Variants in ZNRF3 observed in about 807,000 individuals in gnomAD.
ZNRF3 encodes E3 ubiquitin-protein ligase ZNRF3.
ZNRF3 carries 23 observed loss-of-function variants against 72.5 expected under a neutral mutation model. The ratio of observed to expected loss-of-function variants is 0.32; its 90% CI spans 0.23 to 0.45. The LOEUF is 0.45. ZNRF3 is among the 20% of genes least tolerant of loss of function. The probability of loss-of-function intolerance (pLI) is 1.00; values close to 1 mark genes in which losing one functional copy is unlikely to be tolerated. For synonymous variants in ZNRF3, 610 were observed against 545.3 expected (o/e 1.12, Z -1.65); for missense variants, 1,169 against 1,272.1 (o/e 0.92, Z 1.23).
At chr22:28,956,705 C>T (rs1246488644) in intron 1 of ZNRF3, among the ~76,000 whole-genome samples, 3 of 152,168 alleles carry the variant, frequency 2.0e-5, no homozygotes, top group African/African-American at 7.2e-5. Flanking sequence ...GCTTTGACTT[C>T]ATCTGCAAGA....
At chr22:29,010,572 T>A (rs1376577962) in intron 2 of ZNRF3, among the ~76,000 whole-genome samples, 2 of 152,252 alleles carry the variant, frequency 1.3e-5, no homozygotes, top group Admixed American at 6.5e-5. Flanking sequence ...TTCTGTATAT[T>A]GATCCCTTAC....
chr22:28,914,811 T>A, intron 1 of ZNRF3, among the ~76,000 whole-genome samples: 1 of 144,852 alleles, frequency 6.9e-6, no homozygotes, highest in Non-Finnish European at 1.5e-5. Flanking sequence ...TGAAACTCCG[T>A]CTCAAAAAAA....
At chr22:29,001,131 C>T (rs549400804) in intron 2 of ZNRF3, among the ~76,000 whole-genome samples, 13 of 124,422 alleles carry the variant, frequency 1.0e-4, no homozygotes, top group Non-Finnish European at 1.6e-4. Flanking sequence ...TGCAGTGGCG[C>T]GATTTCAGCT....
intron 1 of ZNRF3, among the ~76,000 whole-genome samples, chr22:28,934,096 A>G (rs1469270268): frequency 6.6e-6 from 1 of 152,086 alleles, no homozygotes; most frequent in Non-Finnish European, 1.5e-5. Flanking sequence ...AAACCCTGAG[A>G]ACAAAAGTAC....
intron 1 of ZNRF3, among the ~76,000 whole-genome samples, chr22:28,889,153 T>G (rs546371125): frequency 8.5e-5 from 13 of 152,120 alleles, no homozygotes; most frequent in Non-Finnish European, 1.8e-4. Context: ...GGTTGCTTGT[T>G]CTTGTTTTTG....
At chr22:28,994,172 C>CTTTTTTTTT (rs1569274128) in intron 2 of ZNRF3, among the ~76,000 whole-genome samples, 2 of 78,764 alleles carry the variant, frequency 2.5e-5, no homozygotes, top group South Asian at 4.6e-4. Context: ...CCTTCAGTTC[C>CTTTTTTTTT]TTTCTTTTTT....
chr22:28,934,053 T>A (rs1208991296), intron 1 of ZNRF3, among the ~76,000 whole-genome samples: 6 of 152,030 alleles, frequency 3.9e-5, no homozygotes, highest in African/African-American at 1.2e-4. Context: ...GTTCATTTGC[T>A]TATTAACAAA....
At chr22:28,999,916 T>A (rs2036114523) in intron 2 of ZNRF3, among the ~76,000 whole-genome samples, 1 of 152,230 alleles carries the variant, frequency 6.6e-6, no homozygotes, top group Non-Finnish European at 1.5e-5. Flanking sequence ...CTGTGAGCCT[T>A]GGTCACAAGA....
At chr22:28,914,726 A>G (rs2034380225) in intron 1 of ZNRF3, among the ~76,000 whole-genome samples, 1 of 151,258 alleles carries the variant, frequency 6.6e-6, no homozygotes, top group Non-Finnish European at 1.5e-5. Context: ...AGGCAGGAGA[A>G]TTGCTTAAAC....
At chr22:28,917,314 T>G in intron 1 of ZNRF3, 1 of 383,310 alleles carries the variant, frequency 2.6e-6, no homozygotes, top group Non-Finnish European at 3.5e-6. Context: ...CGACACTAGG[T>G]ATGTGTGCTC....
At chr22:28,924,024 C>T (rs1184974043) in intron 1 of ZNRF3, among the ~76,000 whole-genome samples, 1 of 152,250 alleles carries the variant, frequency 6.6e-6, no homozygotes, top group East Asian at 1.9e-4. Context: ...AGATCAAAGG[C>T]GCCGCGCACC....
chr22:28,889,131 C>G (rs2033842949), intron 1 of ZNRF3, among the ~76,000 whole-genome samples: 1 of 151,978 alleles, frequency 6.6e-6, no homozygotes, highest in South Asian at 2.1e-4. Context: ...AAAAGAAACC[C>G]AGGTCTGCCT....
chr22:28,883,781 G>A lies in ZNRF3; in HGVS notation c.15G>A (p.Ser5=). 1.0e-6 allele frequency: 1 copy of A among 978,872 alleles called. No individual in the cohort carries two copies. Among genetic ancestry groups the A allele is most frequent in the Non-Finnish European group, 1.2e-6 (1 of 827,512 alleles). The allele number at this position is 978,872 out of a possible 1,614,324, so 60.6% of individuals were successfully genotyped here. A position where few individuals can be genotyped will look rare whatever the true frequency, so the allele number is the denominator to read the frequency against. MRPR[S]GGRPGATGRR... ...GCCGCAGGACCATGAGGCCGCGCTC[G>A]GGCGGGCGCCCAGGGGCCACGGGCC... is the stretch of plus-strand genomic sequence containing the variant. The change falls in exon 1 of 9, where the codon TCG becomes TCA. Residue 5 remains serine (S), a synonymous_variant. Transcript: ENST00000544604. The surrounding 1 kb of genome is among the most constrained non-coding windows in gnomAD (Gnocchi z 5.5).
intron 1 of ZNRF3, among the ~76,000 whole-genome samples, chr22:28,892,107 C>A (rs961933886): frequency 2.0e-5 from 3 of 152,198 alleles, no homozygotes; most frequent in African/African-American, 7.2e-5. Context: ...ATGTTTGTGA[C>A]CTTTCTTACT....
chr22:28,885,729 C>T lies in ZNRF3; in HGVS notation c.300+1663C>T, dbSNP rs11913747. On this transcript the variant is annotated intron_variant, in intron 1 of 8. Coordinates refer to ENST00000544604, the MANE Select transcript of ZNRF3 (RefSeq NM_001206998.2). ...AACAGTAGTTTGTCTGGTGAGCGAG[C>T]TATCCATTATGAGGAGTGTTATGCT... 9.4e-3 allele frequency among the ~76,000 whole-genome samples: 1,430 copies of T among 152,126 alleles called. 30 individuals are homozygous for T. The highest frequency in any genetic ancestry group is 0.032 in the African/African-American group (1,348 of 41,510).
At chr22:29,050,999 G>T (rs575816660) in intron 8 of ZNRF3, 51 bp downstream of exon 8, 9 of 1,488,156 alleles carry the variant, frequency 6.0e-6, no homozygotes, top group South Asian at 1.3e-5. Context: ...CATCAGGGTC[G>T]TCTTGTCTTC....
chr22:28,957,613 G>A (rs2035283003), intron 1 of ZNRF3, among the ~76,000 whole-genome samples: 1 of 151,754 alleles, frequency 6.6e-6, no homozygotes, highest in Non-Finnish European at 1.5e-5. Context: ...CTAATTTTTT[G>A]TATCTTTAGT....
chr22:28,897,242 C>T (rs991754525), intron 1 of ZNRF3, among the ~76,000 whole-genome samples: 1 of 152,186 alleles, frequency 6.6e-6, no homozygotes, highest in East Asian at 1.9e-4. Flanking sequence ...TTGTTGCCTC[C>T]GGGCGTGGGC....
intron 1 of ZNRF3, among the ~76,000 whole-genome samples, chr22:28,949,874 A>T (rs1569257721): frequency 6.6e-6 from 1 of 152,210 alleles, no homozygotes; most frequent in Non-Finnish European, 1.5e-5. Context: ...GCTAACAATC[A>T]CACAAGTATT....
Sources: gnomAD v4.1 joint callset for allele counts (sites outside exome capture counted in the v4.1 genomes callset) on GRCh38, gnomAD v4.1.1 for gene constraint, Gnocchi (gnomAD v3.1) non-coding constraint, MANE v1.5 for transcripts, NCBI Gene and HGNC (gene_info 2026-07-23, HGNC 2026-07-21) for gene names.